Variants in RPS6KC1 observed in about 807,000 individuals in gnomAD.
RPS6KC1 encodes ribosomal protein S6 kinase C1, also known as inactive ribosomal protein S6 kinase delta-1.
Under a neutral mutation model 103.8 loss-of-function variants are expected in RPS6KC1, and 54 were observed. The ratio of observed to expected loss-of-function variants is 0.52; its 90% CI spans 0.42 to 0.65. RPS6KC1 has a LOEUF of 0.65. RPS6KC1 is among the 30% of genes least tolerant of loss of function. RPS6KC1 has a pLI of 0.00. For missense variants in RPS6KC1, 1,151 were observed against 1,253.8 expected (o/e 0.92, Z 1.24); for synonymous variants, 439 against 438.7 (o/e 1.00, Z -0.01).
the RPS6KC1 span, among the ~76,000 whole-genome samples, chr1:213,323,034 G>T: frequency 6.8e-6 from 1 of 147,378 alleles, no homozygotes; most frequent in South Asian, 2.2e-4. Context: ...AAAGTGCTGG[G>T]ATTACAGGTG....
the RPS6KC1 span, among the ~76,000 whole-genome samples, chr1:213,675,685 T>A: frequency 9.2e-5 from 14 of 152,148 alleles, no homozygotes; most frequent in Admixed American, 9.2e-4. Context: ...GACACCAGTC[T>A]GACCAACATG....
rs185790665 is a variant in RPS6KC1 at position 213,071,330 on chromosome 1, C to T, written c.141+289C>T. Among the ~76,000 whole-genome samples the T allele has an allele frequency of 3.7e-4, 57 of 152,146 alleles. No individual in the cohort carries two copies. The East Asian group carries it at 4.1e-3, about 11-fold the overall frequency. On this transcript the variant is annotated intron_variant, in intron 2 of 14. Transcript: ENST00000366960. Reference sequence around the variant, plus strand: ...TTTTAGTAGAGATGGGGTTTTACCACGTTGGCCAGGCTGGTCTCGAATTCC... The same window carrying T: ...TTTTAGTAGAGATGGGGTTTTACCATGTTGGCCAGGCTGGTCTCGAATTCC...
chr1:213,675,741 G>T, the RPS6KC1 span, among the ~76,000 whole-genome samples: 1 of 152,134 alleles, frequency 6.6e-6, no homozygotes, highest in African/African-American at 2.4e-5. Flanking sequence ...GCTGAGTATG[G>T]TGGTGGGCAC....
intron 8 of RPS6KC1, among the ~76,000 whole-genome samples, chr1:213,190,473 A>G (rs1238939735): frequency 1.3e-5 from 2 of 152,156 alleles, no homozygotes; most frequent in African/African-American, 4.8e-5. Context: ...GTCCATTCAC[A>G]TCCTTTGTCC....
the RPS6KC1 span, among the ~76,000 whole-genome samples, chr1:213,570,852 A>T: frequency 6.6e-6 from 1 of 152,186 alleles, no homozygotes; most frequent in Non-Finnish European, 1.5e-5. Flanking sequence ...AACCAGCCTA[A>T]CCAGAAGGGG....
chr1:213,853,061 A>G, the RPS6KC1 span, among the ~76,000 whole-genome samples: 1 of 152,156 alleles, frequency 6.6e-6, no homozygotes, highest in Non-Finnish European at 1.5e-5. Context: ...TCCCTCTGGA[A>G]CACAAGGGGC....
At chr1:213,552,628 C>G in the RPS6KC1 span, among the ~76,000 whole-genome samples, 1 of 152,110 alleles carries the variant, frequency 6.6e-6, no homozygotes, top group African/African-American at 2.4e-5. Flanking sequence ...TATTTTCTCC[C>G]AGGCCGTGGC....
chr1:213,587,783 A>T, the RPS6KC1 span, among the ~76,000 whole-genome samples: 1 of 152,172 alleles, frequency 6.6e-6, no homozygotes, highest in Non-Finnish European at 1.5e-5. Context: ...AAGAAGGCAA[A>T]ATTCTGAGCC....
the RPS6KC1 span, among the ~76,000 whole-genome samples, chr1:213,851,590 G>A: frequency 2.0e-5 from 3 of 152,164 alleles, no homozygotes; most frequent in East Asian, 1.9e-4. Flanking sequence ...ACTTCCACTC[G>A]TCTATGTGCT....
chr1:213,433,942 T>A, the RPS6KC1 span, among the ~76,000 whole-genome samples: 563 of 152,308 alleles, frequency 3.7e-3, 2 homozygotes, highest in African/African-American at 0.013. Context: ...AAGCAGACAA[T>A]TTAATTTTGA....
the RPS6KC1 span, among the ~76,000 whole-genome samples, chr1:213,331,469 T>C: frequency 6.6e-6 from 1 of 152,160 alleles, no homozygotes; most frequent in Non-Finnish European, 1.5e-5. Context: ...ATTGAGCCAC[T>C]AGTATGAATG....
the RPS6KC1 span, among the ~76,000 whole-genome samples, chr1:213,759,312 A>G: frequency 3.4e-4 from 52 of 152,378 alleles, 1 homozygote; most frequent in South Asian, 0.01. Context: ...AGACTACAGT[A>G]TAGTATAAAT....
the RPS6KC1 span, among the ~76,000 whole-genome samples, chr1:213,440,374 A>G: frequency 2.6e-5 from 4 of 152,180 alleles, no homozygotes; most frequent in African/African-American, 9.6e-5. Context: ...GGATGTGAAG[A>G]CTTCTTTCTC....
At chr1:213,368,674 G>A in the RPS6KC1 span, among the ~76,000 whole-genome samples, 1 of 152,176 alleles carries the variant, frequency 6.6e-6, no homozygotes, top group African/African-American at 2.4e-5. Context: ...TAGGGGAAAT[G>A]GCAGCAAAAA....
chr1:213,708,763 G>A, the RPS6KC1 span, among the ~76,000 whole-genome samples: 137 of 152,220 alleles, frequency 9.0e-4, no homozygotes, highest in African/African-American at 3.1e-3. Context: ...AACATGAAGC[G>A]GTGTTGAATT....
the RPS6KC1 span, among the ~76,000 whole-genome samples, chr1:213,301,701 A>G: frequency 1.7e-5 from 1 of 58,072 alleles, no homozygotes; most frequent in African/African-American, 8.4e-5. Flanking sequence ...CCATTTACTT[A>G]TTTATTTATT....
the RPS6KC1 span, among the ~76,000 whole-genome samples, chr1:213,556,611 C>G: frequency 6.6e-6 from 1 of 152,188 alleles, no homozygotes; most frequent in African/African-American, 2.4e-5. Flanking sequence ...TGCTGGGCTT[C>G]CCTGGAGGCA....
chr1:213,214,153 CTGGAAAA>C (rs2093594320), intron 8 of RPS6KC1, among the ~76,000 whole-genome samples: 1 of 152,226 alleles, frequency 6.6e-6, no homozygotes, highest in African/African-American at 2.4e-5. Flanking sequence ...CAGATGGCAC[CTGGAAAA>C]TTGGGTCATT....
chr1:213,580,141 A>C, the RPS6KC1 span, among the ~76,000 whole-genome samples: 1 of 152,124 alleles, frequency 6.6e-6, no homozygotes, highest in African/African-American at 2.4e-5. Flanking sequence ...TCATCTTTCT[A>C]GATGATGCCA....
Sources: gnomAD v4.1 joint callset for allele counts (sites outside exome capture counted in the v4.1 genomes callset) on GRCh38, gnomAD v4.1.1 for gene constraint, MANE v1.5 for transcripts, NCBI Gene and HGNC (gene_info 2026-07-23, HGNC 2026-07-21) for gene names.